KIAA1217: variants seen among roughly 807,000 people sequenced by gnomAD.
KIAA1217 encodes sickle tail protein homolog.
A neutral mutation model predicts 163.9 loss-of-function variants in KIAA1217; 88 were observed. That is an observed-to-expected ratio of 0.54 (90% CI 0.45 to 0.64). KIAA1217 has a LOEUF of 0.64. Ranked by LOEUF, KIAA1217 falls within the 30% of genes least tolerant of loss-of-function variation. The probability of loss-of-function intolerance (pLI) is 0.00; values close to 1 mark genes in which losing one functional copy is unlikely to be tolerated. For synonymous variants in KIAA1217, 903 were observed against 923.1 expected (o/e 0.98, Z 0.39); for missense variants, 2,372 against 2,475.0 (o/e 0.96, Z 0.88).
chr10:24,530,449 A>G (rs2072952665), intron 14 of KIAA1217, among the ~76,000 whole-genome samples: 1 of 152,172 alleles, frequency 6.6e-6, no homozygotes. Context: ...AGTTTCTGTC[A>G]TTTTAATTTA....
intron 16 of KIAA1217, among the ~76,000 whole-genome samples, chr10:24,534,357 T>C (rs2073630251): frequency 6.6e-6 from 1 of 152,222 alleles, no homozygotes; most frequent in Admixed American, 6.5e-5. Flanking sequence ...TTTAGAAGGC[T>C]TGGATAATTG....
At chr10:24,172,454 C>T (rs545726523) in intron 2 of KIAA1217, among the ~76,000 whole-genome samples, 19 of 152,310 alleles carry the variant, frequency 1.2e-4, no homozygotes, top group Admixed American at 3.3e-4. Flanking sequence ...GCCAAATTCT[C>T]TGGGTTCGGG....
intron 1 of KIAA1217, among the ~76,000 whole-genome samples, chr10:23,710,291 T>C (rs1837170195): frequency 6.6e-6 from 1 of 152,222 alleles, no homozygotes; most frequent in Admixed American, 6.5e-5. Context: ...CTTTGGTGTG[T>C]TCTAATCAAA....
At chr10:24,478,102 G>A (rs1371046940) in intron 6 of KIAA1217, among the ~76,000 whole-genome samples, 2 of 152,210 alleles carry the variant, frequency 1.3e-5, no homozygotes, top group African/African-American at 4.8e-5. Context: ...GAAATCGGTG[G>A]CTGTGCTTTC....
At chr10:24,113,084 A>G (rs1325384444) in intron 2 of KIAA1217, among the ~76,000 whole-genome samples, 1 of 151,998 alleles carries the variant, frequency 6.6e-6, no homozygotes, top group Non-Finnish European at 1.5e-5. Context: ...AGGGTGAGAG[A>G]GTAAATTCTT....
At chr10:23,916,566 C>A (rs1319259690) in intron 1 of KIAA1217, among the ~76,000 whole-genome samples, 1 of 152,092 alleles carries the variant, frequency 6.6e-6, no homozygotes, top group African/African-American at 2.4e-5. Flanking sequence ...TACATAGTAC[C>A]TTTCAAACAC....
At position 24,543,384 on chromosome 10, in the gene KIAA1217, T is replaced by A. The variant is rs1332960562; in HGVS notation, c.4114T>A (p.Ser1372Thr). ...TGAGGATGGAGAATCAAGTTCAAGT[T>A]CTCCCACTGAAGAAAATGCAGCCAC... ...PNEDGESSSS[S>T]PTEENAATDN... The change falls in exon 19 of 21, where the codon TCT becomes ACT. Residue 1372 changes from serine to threonine, a missense_variant. Around this residue, in one of 3 missense-constraint regions of KIAA1217, gnomAD observed 251 missense variants for 327.3 expected, o/e 0.77. Transcript: ENST00000376454. 1.9e-6 allele frequency: 3 copies of A among 1,613,898 alleles called. No homozygotes were observed. Among genetic ancestry groups the A allele is most frequent in the Admixed American group, 1.7e-5 (1 of 59,988 alleles).
intron 1 of KIAA1217, among the ~76,000 whole-genome samples, chr10:23,701,868 C>T (rs1370738550): frequency 6.6e-6 from 1 of 152,124 alleles, no homozygotes; most frequent in African/African-American, 2.4e-5. Context: ...ATCGTAATTC[C>T]TACTAGCTCA....
intron 1 of KIAA1217, among the ~76,000 whole-genome samples, chr10:23,933,964 A>G (rs1013906807): frequency 6.6e-6 from 1 of 152,138 alleles, no homozygotes; most frequent in Admixed American, 6.5e-5. Flanking sequence ...TTCAACCATT[A>G]TTGAAGACAG....
At chr10:23,724,458 T>G (rs1212305306) in intron 1 of KIAA1217, among the ~76,000 whole-genome samples, 5 of 152,254 alleles carry the variant, frequency 3.3e-5, no homozygotes, top group Non-Finnish European at 7.3e-5. Context: ...TCTATATTTC[T>G]TATGCTTAAC....
chr10:23,739,838 CGGA>C (rs1839009665), intron 1 of KIAA1217, among the ~76,000 whole-genome samples: 1 of 152,092 alleles, frequency 6.6e-6, no homozygotes, highest in African/African-American at 2.4e-5. Context: ...GGAGCAGCAG[CGGA>C]GAAGTGCTGG....
chr10:24,004,775 CA>C (rs1298703784), intron 1 of KIAA1217, among the ~76,000 whole-genome samples: 1 of 152,096 alleles, frequency 6.6e-6, no homozygotes, highest in African/African-American at 2.4e-5. Flanking sequence ...AAGAAGAGAG[CA>C]AAACTGTAGC....
chr10:23,994,962 T>C (rs1313161028), intron 1 of KIAA1217, among the ~76,000 whole-genome samples: 1 of 152,222 alleles, frequency 6.6e-6, no homozygotes, highest in African/African-American at 2.4e-5. Flanking sequence ...TTTACAATTA[T>C]GTAATACCCT....
In KIAA1217 at chr10:24,543,749, C is replaced by T. The variant is rs1373781352; in HGVS notation, c.4479C>T (p.Val1493=). ...AGGAGGAAAATGGGGATTCTGTAGT[C>T]CAGAATAATAACACTTCCCAGATGT... ...EEEEENGDSV[V]QNNNTSQMSH... is the part of the protein sequence containing the mutation. The change falls in exon 19 of 21, where the codon GTC becomes GTT. Residue 1493 remains valine (V), a synonymous_variant. Coordinates refer to ENST00000376454, the MANE Select transcript of KIAA1217 (RefSeq NM_019590.5). 1.2e-6 allele frequency: 2 copies of T among 1,613,032 alleles called. No individual in the cohort carries two copies. Among genetic ancestry groups the T allele is most frequent in the East Asian group, 2.2e-5 (1 of 44,842 alleles).
chr10:24,452,621 G>A (rs968511734), intron 5 of KIAA1217, among the ~76,000 whole-genome samples: 1 of 148,288 alleles, frequency 6.7e-6, no homozygotes, highest in Non-Finnish European at 1.5e-5. Flanking sequence ...GTTTGAGCTT[G>A]CAGTGAGCCG....
chr10:23,764,586 C>T (rs374012204), intron 1 of KIAA1217, among the ~76,000 whole-genome samples: 12 of 152,208 alleles, frequency 7.9e-5, no homozygotes, highest in Middle Eastern at 3.4e-3. Context: ...AAATATGGTA[C>T]GTATACACTA....
chr10:24,205,044 G>A (rs1046884186), upstream of KIAA1217, among the ~76,000 whole-genome samples: 10 of 152,136 alleles, frequency 6.6e-5, no homozygotes, highest in African/African-American at 2.4e-4. Flanking sequence ...GTGTCCTGAT[G>A]TCAAGTCATT....
At chr10:24,341,821 G>A (rs1020969194) in intron 2 of KIAA1217, among the ~76,000 whole-genome samples, 10 of 151,986 alleles carry the variant, frequency 6.6e-5, no homozygotes, top group African/African-American at 2.4e-4. Context: ...GAGTTGAAGT[G>A]GGTGGTTTCA....
intron 2 of KIAA1217, among the ~76,000 whole-genome samples, chr10:24,362,602 A>AT (rs368303630): frequency 4.6e-5 from 7 of 152,292 alleles, no homozygotes; most frequent in African/African-American, 1.2e-4. Context: ...GAGATCTTAC[A>AT]TTTTTTTATG....
Sources: gnomAD v4.1 joint callset for allele counts (sites outside exome capture counted in the v4.1 genomes callset) on GRCh38, gnomAD v4.1.1 for gene constraint, gnomAD v4.1.1 regional missense constraint, MANE v1.5 for transcripts, NCBI Gene and HGNC (gene_info 2026-07-23, HGNC 2026-07-21) for gene names.